Variants in NLGN1 observed in about 807,000 individuals in gnomAD.
NLGN1 encodes the protein neuroligin 1.
In NLGN1, 12 loss-of-function variants were observed where a neutral mutation model predicts 65.5. That is an observed-to-expected ratio of 0.18 (90% CI 0.12 to 0.30). The LOEUF (loss-of-function observed/expected upper bound fraction) is 0.30. Ranked by LOEUF, NLGN1 falls within the 10% of genes least tolerant of loss-of-function variation. The pLI, the probability that NLGN1 is intolerant of heterozygous loss-of-function variation, is 1.00. For missense variants in NLGN1, 750 were observed against 1,007.1 expected (o/e 0.74, Z 3.46); for synonymous variants, 350 against 359.5 (o/e 0.97, Z 0.30).
intron 4 of NLGN1, among the ~76,000 whole-genome samples, chr3:174,075,333 A>G (rs1740691473): frequency 6.6e-6 from 1 of 152,224 alleles, no homozygotes. Context: ...ATAAGTTATT[A>G]CATGAAGATA....
At chr3:174,154,836 TGTAGATAGATATA>T (rs1725031340) in intron 4 of NLGN1, among the ~76,000 whole-genome samples, 1 of 136,490 alleles carries the variant, frequency 7.3e-6, no homozygotes, top group Non-Finnish European at 1.6e-5. Flanking sequence ...ATATAGATAT[TGTAGATAGATATA>T]TTGTAGATAG....
rs1170577220 is a variant in NLGN1 at position 173,994,465 on chromosome 3, C to CAAAAAAA, written c.646+186654_646+186660dup. On this transcript the variant is annotated intron_variant, in intron 4 of 6. Transcript: ENST00000457714. ...TTTTTTATTTTAACCTTGAGAAAAGCAAAAAAAAAAAAAAAAAAAAAAAAA... is the reference window on the plus strand; with the variant it reads ...TTTTTTATTTTAACCTTGAGAAAAGCAAAAAAAAAAAAAAAAAAAAAAAAAAAAAAAA... Among the ~76,000 whole-genome samples, 18 of 32,904 alleles carry CAAAAAAA rather than the reference C, an allele frequency of 5.5e-4. 1 individual carries two copies. The highest frequency in any genetic ancestry group is 2.1e-3 in the South Asian group (1 of 468). 21.6% of individuals were successfully genotyped at this position (32,904 alleles called of 152,430 possible).
chr3:173,932,252 G>T (rs552186841), intron 4 of NLGN1, among the ~76,000 whole-genome samples: 2 of 152,010 alleles, frequency 1.3e-5, no homozygotes, highest in East Asian at 3.9e-4. Flanking sequence ...AAATGGTACT[G>T]TTTCAAATTG....
intron 4 of NLGN1, among the ~76,000 whole-genome samples, chr3:173,997,934 C>T (rs1464926278): frequency 2.0e-5 from 3 of 151,906 alleles, no homozygotes; most frequent in East Asian, 1.9e-4. Context: ...TAATATTATT[C>T]GCATTCAACA....
At chr3:174,120,262 C>A (rs745936140) in intron 4 of NLGN1, among the ~76,000 whole-genome samples, 5 of 151,806 alleles carry the variant, frequency 3.3e-5, no homozygotes, top group Non-Finnish European at 5.9e-5. Flanking sequence ...CCGAGGCAGG[C>A]AGATCACAAG....
At chr3:173,886,062 GTAGA>G (rs1448995263) in intron 4 of NLGN1, among the ~76,000 whole-genome samples, 1 of 152,116 alleles carries the variant, frequency 6.6e-6, no homozygotes, top group African/African-American at 2.4e-5. Context: ...GGGCCCATCA[GTAGA>G]TAAATACTTA....
At chr3:174,130,987 C>G (rs2152670717) in intron 4 of NLGN1, among the ~76,000 whole-genome samples, 1 of 152,152 alleles carries the variant, frequency 6.6e-6, no homozygotes, top group South Asian at 2.1e-4. Context: ...GTGAAAGATC[C>G]TCATGTGATT....
intron 2 of NLGN1, among the ~76,000 whole-genome samples, chr3:173,588,066 G>A (rs577042120): frequency 6.6e-6 from 1 of 152,124 alleles, no homozygotes; most frequent in South Asian, 2.1e-4. Context: ...CATCTCTTTT[G>A]CTTTATTGAG....
intron 3 of NLGN1, among the ~76,000 whole-genome samples, chr3:173,702,393 C>G (rs937897733): frequency 3.7e-5 from 5 of 133,560 alleles, no homozygotes; most frequent in African/African-American, 1.6e-4. Flanking sequence ...TGTAGTGAAT[C>G]AATGAGACAT....
intron 4 of NLGN1, among the ~76,000 whole-genome samples, chr3:173,994,650 A>C (rs976840303): frequency 2.7e-4 from 41 of 152,206 alleles, no homozygotes; most frequent in African/African-American, 9.6e-4. Flanking sequence ...TCCAGGCAAA[A>C]TTAGGTGACA....
intron 2 of NLGN1, among the ~76,000 whole-genome samples, chr3:173,513,257 G>A (rs943856891): frequency 2.6e-5 from 4 of 152,100 alleles, no homozygotes; most frequent in Admixed American, 6.6e-5. Flanking sequence ...CTGTGAGGAG[G>A]TGGTAGAGCT....
At chr3:173,941,994 A>G (rs1335334965) in intron 4 of NLGN1, among the ~76,000 whole-genome samples, 2 of 151,274 alleles carry the variant, frequency 1.3e-5, no homozygotes, top group Non-Finnish European at 2.9e-5. Flanking sequence ...CCTAGTTACA[A>G]TGCTGACACC....
At position 173,968,687 on chromosome 3, in the gene NLGN1, C is replaced by CTTTTTTTTTTTTTTTTT. The variant is rs34662762; in HGVS notation, c.646+160868_646+160884dup. ...ACACCCCACAATTACTGAAAATAATCTTTTTTTTTTTTTTTTTTTTTTTTT... is the reference window on the plus strand; with the variant it reads ...ACACCCCACAATTACTGAAAATAATCTTTTTTTTTTTTTTTTTTTTTTTTTTTTTTTTTTTTTTTTTT... On this transcript the variant is annotated intron_variant, in intron 4 of 6. Coordinates refer to ENST00000457714, the Ensembl canonical transcript of NLGN1. 1.0e-4 allele frequency among the ~76,000 whole-genome samples: 6 copies of CTTTTTTTTTTTTTTTTT among 59,444 alleles called. 2 individuals carry two copies. Among genetic ancestry groups the CTTTTTTTTTTTTTTTTT allele is most frequent in the African/African-American group, 4.4e-4 (6 of 13,708 alleles). 39.0% of individuals were successfully genotyped at this position (59,444 alleles called of 152,430 possible).
intron 3 of NLGN1, among the ~76,000 whole-genome samples, chr3:173,702,022 G>A (rs1480081457): frequency 1.3e-5 from 2 of 152,004 alleles, no homozygotes; most frequent in Non-Finnish European, 2.9e-5. Flanking sequence ...GGTGGATCAC[G>A]AGGTCAGGAG....
intron 4 of NLGN1, among the ~76,000 whole-genome samples, chr3:174,198,064 T>G (rs6775619): frequency 0.11 from 17,123 of 152,224 alleles, 1,141 homozygotes; most frequent in Admixed American, 0.15. Flanking sequence ...ATTGTTACTA[T>G]GTTTATATTA....
chr3:173,502,859 G>C (rs1202625345), intron 2 of NLGN1, among the ~76,000 whole-genome samples: 2 of 152,190 alleles, frequency 1.3e-5, no homozygotes, highest in Middle Eastern at 3.4e-3. Flanking sequence ...GATCAGGCCA[G>C]CTGCAGAAGG....
intron 4 of NLGN1, among the ~76,000 whole-genome samples, chr3:174,268,188 T>C (rs1455940256): frequency 6.6e-6 from 1 of 152,160 alleles, no homozygotes; most frequent in African/African-American, 2.4e-5. Context: ...ATGAAGAATA[T>C]GATTTCCTTT....
rs140972233 is a variant in NLGN1, at chr3:173,993,930, G to A, written c.646+186098G>A. On this transcript the variant is annotated intron_variant, in intron 4 of 6. Transcript: ENST00000457714. ...TATATGTATATGAGTGTGTGTGTGT[G>A]TATGTGTGTATATATATAGTAACTA... Among the ~76,000 whole-genome samples the A allele has an allele frequency of 1.4e-3, 208 of 151,856 alleles. 1 individual carries two copies. The highest frequency in any genetic ancestry group is 4.6e-3 in the African/African-American group (189 of 41,416).
downstream of NLGN1, among the ~76,000 whole-genome samples, chr3:174,289,984 T>C (rs112857924): frequency 2.4e-3 from 353 of 145,766 alleles, 8 homozygotes; most frequent in East Asian, 0.033. Flanking sequence ...TATATATATA[T>C]ACATATATAT....
Sources: gnomAD v4.1 joint callset for allele counts (sites outside exome capture counted in the v4.1 genomes callset) on GRCh38, gnomAD v4.1.1 for gene constraint, MANE v1.5 for transcripts, NCBI Gene and HGNC (gene_info 2026-07-23, HGNC 2026-07-21) for gene names.